Variants in TRUB1 observed in about 807,000 individuals in gnomAD.
The protein encoded by TRUB1 is pseudouridylate synthase TRUB1.
In TRUB1, 23 loss-of-function variants were observed where a neutral mutation model predicts 33.9. The observed-to-expected ratio is 0.68, with a 90% CI of 0.49 to 0.96. TRUB1 has a LOEUF of 0.96. TRUB1 is among the 40% of genes least tolerant of loss of function. TRUB1 has a pLI of 0.00. For synonymous variants in TRUB1, 163 were observed against 165.4 expected, an observed-to-expected ratio of 0.99 and a Z score of 0.11; for missense variants, 378 against 422.2, an observed-to-expected ratio of 0.90 and a Z score of 0.92.
In TRUB1 at chr10:114,938,503, G is replaced by A; in HGVS notation, c.250G>A (p.Glu84Lys). Residue 84 changes from glutamate (E) to lysine (K), a missense_variant, in exon 1 of 8, where the codon GAG (glutamate) becomes AAG (lysine). Glu to Lys is a moderately conservative substitution (Grantham distance 56). Coordinates refer to ENST00000298746, the MANE Select transcript of TRUB1 (RefSeq NM_139169.5). ...CAAGCCCAAAGGGCCCACTTCAGCC[G>A]AGCTGCTGAATCGGTTGAAGGAGAA... Reference protein sequence around the residue: ...VHKPKGPTSAELLNRLKEKLL... With the variant: ...VHKPKGPTSAKLLNRLKEKLL... 1.3e-6 allele frequency: 2 copies of A among 1,566,518 alleles called. No homozygotes were observed. Among genetic ancestry groups the A allele is most frequent in the Non-Finnish European group, 8.6e-7 (1 of 1,159,718 alleles).
chr10:114,968,810 A>G (rs1033717466), intron 4 of TRUB1, among the ~76,000 whole-genome samples: 2 of 152,222 alleles, frequency 1.3e-5, no homozygotes, highest in African/African-American at 4.8e-5. Context: ...ATAGTATTCC[A>G]TGCTGACTTT....
chr10:114,967,688 A>G (rs2084316207), intron 4 of TRUB1, among the ~76,000 whole-genome samples: 1 of 152,154 alleles, frequency 6.6e-6, no homozygotes, highest in Non-Finnish European at 1.5e-5. Flanking sequence ...CTGCCTAGTT[A>G]TTGGATATAT....
Position 114,938,370 on chromosome 10 carries a change from T to C in TRUB1, c.117T>C (p.Ala39=). Residue 39 remains alanine (A), a synonymous_variant, in exon 1 of 8, where the codon GCT becomes GCC. Transcript: ENST00000298746. Reference sequence around the variant, plus strand: ...TGGCTGCGACCCCGTCAGCAAGGGCTGCAGCCGCGGTGGTTGCGGCCGCGG... The same window carrying C: ...TGGCTGCGACCCCGTCAGCAAGGGCCGCAGCCGCGGTGGTTGCGGCCGCGG... The part of the protein sequence containing the change: ...AAMAATPSAR[A]AAAVVAAAAR... 6.2e-7 allele frequency: 1 copy of C among 1,610,694 alleles called. No individual in the cohort carries two copies. The highest frequency in any genetic ancestry group is 8.5e-7 in the Non-Finnish European group (1 of 1,178,756).
rs879641807 is a variant in TRUB1 at position 114,941,789 on chromosome 10, A to AT, written c.287-853dup. ...TGAGATTCGCTTCCTTTGTTTATTTATTTATTTTTTTTTGAGACGGAGTCT... is the reference window on the plus strand; with the variant it reads ...TGAGATTCGCTTCCTTTGTTTATTTATTTTATTTTTTTTTGAGACGGAGTCT... On this transcript the variant is annotated intron_variant, in intron 1 of 7. Transcript: ENST00000298746. Among the ~76,000 whole-genome samples, 60 of 150,622 alleles carry AT rather than the reference A, an allele frequency of 4.0e-4. 1 individual carries two copies. Among genetic ancestry groups the AT allele is most frequent in the Non-Finnish European group, 6.2e-4 (42 of 67,360 alleles).
chr10:114,963,299 A>G (rs765805454), intron 4 of TRUB1, among the ~76,000 whole-genome samples: 1 of 152,190 alleles, frequency 6.6e-6, no homozygotes, highest in Non-Finnish European at 1.5e-5. Flanking sequence ...CTTGGACTGT[A>G]TATGGTTTGG....
chr10:114,969,842 A>T (rs2084327706), intron 4 of TRUB1, among the ~76,000 whole-genome samples: 1 of 152,164 alleles, frequency 6.6e-6, no homozygotes, highest in South Asian at 2.1e-4. Flanking sequence ...GTGAGTGTGT[A>T]AAATTTCTGC....
At chr10:114,961,655 A>C (rs1252506668) in intron 4 of TRUB1, among the ~76,000 whole-genome samples, 1 of 152,210 alleles carries the variant, frequency 6.6e-6, no homozygotes, top group Non-Finnish European at 1.5e-5. Context: ...TGAAGAGAAG[A>C]GCTTCCTACA....
At chr10:114,954,490 T>G (rs2084253098) in intron 3 of TRUB1, among the ~76,000 whole-genome samples, 1 of 152,208 alleles carries the variant, frequency 6.6e-6, no homozygotes. Flanking sequence ...CTGTGAAGAC[T>G]AGACACTAAT....
At chr10:114,955,564 A>G (rs2084258378) in intron 3 of TRUB1, among the ~76,000 whole-genome samples, 1 of 152,170 alleles carries the variant, frequency 6.6e-6, no homozygotes, top group Non-Finnish European at 1.5e-5. Flanking sequence ...ATCCCCCTCC[A>G]GTAGTTAAAC....
intron 2 of TRUB1, among the ~76,000 whole-genome samples, chr10:114,947,673 T>C (rs2084217025): frequency 2.0e-5 from 3 of 152,196 alleles, no homozygotes; most frequent in Non-Finnish European, 4.4e-5. Context: ...ACATAAACAT[T>C]GTTCATGTTG....
chr10:114,947,920 C>G (rs538198095), intron 2 of TRUB1, among the ~76,000 whole-genome samples: 1 of 152,044 alleles, frequency 6.6e-6, no homozygotes, highest in African/African-American at 2.4e-5. Flanking sequence ...TAGATTCCTA[C>G]GATTGGAAAG....
intron 4 of TRUB1, among the ~76,000 whole-genome samples, chr10:114,966,298 T>A (rs1416063680): frequency 1.3e-5 from 2 of 152,226 alleles, no homozygotes; most frequent in Admixed American, 1.3e-4. Flanking sequence ...CAGTTGTCCA[T>A]ATCTGCATAC....
intron 6 of TRUB1, 145 bp downstream of exon 6, chr10:114,972,419 CT>C: frequency 2.1e-5 from 20 of 946,820 alleles, no homozygotes; most frequent in Non-Finnish European, 2.7e-5. Flanking sequence ...TTCTTTATAC[CT>C]TTTTTGGTAA....
chr10:114,958,568 T>C (rs985487377), intron 3 of TRUB1, among the ~76,000 whole-genome samples: 12 of 152,258 alleles, frequency 7.9e-5, no homozygotes, highest in Non-Finnish European at 1.6e-4. Context: ...ACTTTGAGTT[T>C]TCTTTTATAA....
intron 4 of TRUB1, among the ~76,000 whole-genome samples, chr10:114,960,857 C>G (rs1450070561): frequency 1.3e-5 from 2 of 152,148 alleles, no homozygotes; most frequent in South Asian, 4.2e-4. Context: ...CAGAGACTTC[C>G]AGAGGATACT....
At chr10:114,948,259 GCT>G (rs1476078238) in intron 2 of TRUB1, among the ~76,000 whole-genome samples, 2 of 152,062 alleles carry the variant, frequency 1.3e-5, no homozygotes, top group African/African-American at 4.8e-5. Flanking sequence ...TCTTTTATAA[GCT>G]GCTCATCTCT....
In TRUB1 at chr10:114,972,119, T is replaced by C. The variant is rs1211424540; in HGVS notation, c.597-16T>C. Reference sequence around the variant, plus strand: ...GCTCTCCTTTCCTTCCATTTCTCCTTCTCTCATCTCACAAGCTATTCTGCA... The same window carrying C: ...GCTCTCCTTTCCTTCCATTTCTCCTCCTCTCATCTCACAAGCTATTCTGCA... On this transcript the variant is annotated splice_polypyrimidine_tract_variant and intron_variant, in intron 5 of 7. Coordinates refer to ENST00000298746, the MANE Select transcript of TRUB1 (RefSeq NM_139169.5). The C allele has an allele frequency of 3.7e-6, 6 of 1,611,642 alleles. No individual in the cohort carries two copies. The highest frequency in any genetic ancestry group is 1.7e-5 in the Admixed American group (1 of 59,266).
intron 7 of TRUB1, 52 bp downstream of exon 7, chr10:114,974,437 T>C: frequency 1.3e-6 from 2 of 1,482,962 alleles, no homozygotes; most frequent in Non-Finnish European, 1.9e-6. Context: ...ATACTCCTTT[T>C]CAATTGGAAG....
In TRUB1 at chr10:114,944,821, T is replaced by TA. The variant is rs1564697328; in HGVS notation, c.385+2084dup. Among the ~76,000 whole-genome samples, 4 of 151,894 alleles carry TA rather than the reference T, an allele frequency of 2.6e-5. No homozygotes were observed. The East Asian group carries it at 7.8e-4, about 29-fold the overall frequency. On this transcript the variant is annotated intron_variant, in intron 2 of 7. Transcript: ENST00000298746. ...ACAATGTGGCGAAACCCCATCTCTA[T>TA]AAAAAATTAAAAAATTAGCTGGGTG...
Sources: gnomAD v4.1 joint callset for allele counts (sites outside exome capture counted in the v4.1 genomes callset) on GRCh38, gnomAD v4.1.1 for gene constraint, MANE v1.5 for transcripts, NCBI Gene and HGNC (gene_info 2026-07-23, HGNC 2026-07-21) for gene names.